The following CAPZB variants were observed in gnomAD, a reference collection of about 807,000 sequenced individuals.
CAPZB encodes the protein capping actin protein of muscle Z-line subunit beta, also known as F-actin-capping protein subunit beta.
CAPZB carries 2 observed loss-of-function variants against 38.1 expected under a neutral mutation model. The observed-to-expected ratio is 0.05, with a 90% CI of 0.02 to 0.17. CAPZB has a LOEUF of 0.17. Among genes scored for constraint, CAPZB ranks in the 10% least tolerant of loss-of-function variants. CAPZB has a pLI of 1.00. For synonymous variants in CAPZB, 107 were observed against 127.4 expected, an observed-to-expected ratio of 0.84 and a Z score of 1.08; for missense variants, 161 against 334.2, an observed-to-expected ratio of 0.48 and a Z score of 4.04.
At chr1:19,397,992 A>G (rs1337748481) in intron 2 of CAPZB, among the ~76,000 whole-genome samples, 2 of 152,154 alleles carry the variant, frequency 1.3e-5, no homozygotes, top group African/African-American at 4.8e-5. Context: ...GCACGTCGAC[A>G]CTGGTGGGGA....
intron 1 of CAPZB, among the ~76,000 whole-genome samples, chr1:19,479,884 C>T (rs537688579): frequency 2.0e-5 from 3 of 152,168 alleles, no homozygotes; most frequent in Non-Finnish European, 2.9e-5. Context: ...TGAGGCACCC[C>T]ATGGGCTCGC....
intron 6 of CAPZB, among the ~76,000 whole-genome samples, chr1:19,353,440 G>A (rs2254648): frequency 1.3e-5 from 2 of 151,412 alleles, no homozygotes; most frequent in Non-Finnish European, 2.9e-5. Flanking sequence ...ACCACGCCAC[G>A]CCAGAATGCC....
intron 4 of CAPZB, among the ~76,000 whole-genome samples, chr1:19,369,166 T>C (rs1046521381): frequency 3.3e-5 from 5 of 152,204 alleles, no homozygotes; most frequent in African/African-American, 1.2e-4. Flanking sequence ...AGACTGCACA[T>C]GCCAAGCAAC....
At chr1:19,393,851 G>A (rs2094251604) in intron 2 of CAPZB, among the ~76,000 whole-genome samples, 1 of 152,228 alleles carries the variant, frequency 6.6e-6, no homozygotes, top group Non-Finnish European at 1.5e-5. Context: ...GGGGACTCCT[G>A]GCGTGTGGGC....
chr1:19,347,875 ACGCCTTTG>A (rs2093970424), intron 6 of CAPZB, among the ~76,000 whole-genome samples: 1 of 152,196 alleles, frequency 6.6e-6, no homozygotes, highest in African/African-American at 2.4e-5. Flanking sequence ...TTAGATTCCG[ACGCCTTTG>A]CTCCTCCTAC....
At chr1:19,453,022 C>G (rs1038516790) in intron 1 of CAPZB, among the ~76,000 whole-genome samples, 1 of 152,034 alleles carries the variant, frequency 6.6e-6, no homozygotes, top group Non-Finnish European at 1.5e-5. Flanking sequence ...CCAGGCTGGT[C>G]TCGAACTCCT....
intron 1 of CAPZB, among the ~76,000 whole-genome samples, chr1:19,430,635 T>G (rs1421537331): frequency 1.3e-5 from 2 of 152,082 alleles, no homozygotes; most frequent in African/African-American, 4.8e-5. Flanking sequence ...CTCTTCTATT[T>G]CCCCTTTAAG....
chr1:19,371,724 A>C lies in CAPZB; in HGVS notation c.329+6816T>G, dbSNP rs76093059. Reference sequence around the variant, plus strand: ...CACTTCTGCACTCTTTCCCTGGAAAATCTCCCCCTACCGCCTGCAGTTCCT... The same window carrying C: ...CACTTCTGCACTCTTTCCCTGGAAACTCTCCCCCTACCGCCTGCAGTTCCT... On this transcript the variant is annotated intron_variant, in intron 4 of 8. Coordinates refer to ENST00000264202, the MANE Select transcript of CAPZB (RefSeq NM_004930.5). Among the ~76,000 whole-genome samples, 1,498 of 152,150 alleles carry C rather than the reference A, an allele frequency of 9.8e-3. 63 individuals carry two copies. In the East Asian group the frequency reaches 0.14, roughly 14 times the overall value.
intron 2 of CAPZB, among the ~76,000 whole-genome samples, chr1:19,388,411 A>T (rs2094214921): frequency 6.6e-6 from 1 of 151,958 alleles, no homozygotes; most frequent in East Asian, 1.9e-4. Context: ...AAGAGGGAGG[A>T]AAGGAGGAGT....
At chr1:19,384,272 C>T (rs1036410510) in intron 3 of CAPZB, among the ~76,000 whole-genome samples, 1 of 152,174 alleles carries the variant, frequency 6.6e-6, no homozygotes, top group Non-Finnish European at 1.5e-5. Context: ...GCCTTCTCCA[C>T]CTCTGGCCTT....
Position 19,454,592 on chromosome 1 carries a change from C to A in CAPZB, c.3+30844G>T, listed in dbSNP as rs147277087. Among the ~76,000 whole-genome samples, 313 of 152,218 alleles carry A rather than the reference C, an allele frequency of 2.1e-3. 3 individuals carry two copies. The South Asian group carries it at 0.024, about 12-fold the overall frequency. On this transcript the variant is annotated intron_variant, in intron 1 of 8. Transcript: ENST00000264202. ...TCATCCCAAATGACAATTGTGGAAA[C>A]CGAGGCTCAGTGACCTGAGGGACTT...
At chr1:19,447,310 A>C in intron 1 of CAPZB, among the ~76,000 whole-genome samples, 1 of 105,032 alleles carries the variant, frequency 9.5e-6, no homozygotes, top group Non-Finnish European at 1.7e-5. Flanking sequence ...ATGGAGTCTC[A>C]CTCTATTCAA....
intron 8 of CAPZB, among the ~76,000 whole-genome samples, chr1:19,343,675 G>T (rs1016472262): frequency 6.6e-6 from 1 of 152,230 alleles, no homozygotes; most frequent in South Asian, 2.1e-4. Flanking sequence ...GCTGGGCTCT[G>T]GCCTCATGTC....
intron 1 of CAPZB, among the ~76,000 whole-genome samples, chr1:19,447,653 GCA>G (rs777624388): frequency 6.6e-6 from 1 of 152,172 alleles, no homozygotes. Context: ...ATGGTGAGTT[GCA>G]CAGATACACC....
At chr1:19,450,144 C>CAAAAAAAAAAAA (rs71008167) in intron 1 of CAPZB, among the ~76,000 whole-genome samples, 6 of 35,424 alleles carry the variant, frequency 1.7e-4, no homozygotes, top group Non-Finnish European at 3.8e-4. Flanking sequence ...ACCCTGTCTC[C>CAAAAAAAAAAAA]AAAAAAAAAA....
At chr1:19,410,980 T>C (rs1041440053) in intron 2 of CAPZB, among the ~76,000 whole-genome samples, 1 of 152,154 alleles carries the variant, frequency 6.6e-6, no homozygotes, top group Admixed American at 6.5e-5. Context: ...GATAAGGTCC[T>C]GGATGAAGCG....
chr1:19,458,114 A>C lies in CAPZB; in HGVS notation c.3+27322T>G, dbSNP rs987210338. ...AAGGAGTTGCCAAAAAAAAAAAAAAAAACACTAAACTGGTGCAAGTGACTT... is the reference window on the plus strand; with the variant it reads ...AAGGAGTTGCCAAAAAAAAAAAAAACAACACTAAACTGGTGCAAGTGACTT... On this transcript the variant is annotated intron_variant, in intron 1 of 8. Transcript: ENST00000264202. Among the ~76,000 whole-genome samples, 8 of 151,796 alleles carry C rather than the reference A, an allele frequency of 5.3e-5. No individual in the cohort carries two copies. The East Asian group carries it at 5.8e-4, about 11-fold the overall frequency.
At chr1:19,365,365 T>C (rs1324596834) in intron 4 of CAPZB, among the ~76,000 whole-genome samples, 1 of 152,176 alleles carries the variant, frequency 6.6e-6, no homozygotes, top group Non-Finnish European at 1.5e-5. Flanking sequence ...TGCACAGGAA[T>C]ATACGTGAAA....
At chr1:19,367,211 GT>G in intron 4 of CAPZB, among the ~76,000 whole-genome samples, 1 of 152,314 alleles carries the variant, frequency 6.6e-6, no homozygotes, top group South Asian at 2.1e-4. Context: ...CCTTACACTG[GT>G]TATACCAGCC....
Sources: gnomAD v4.1 joint callset for allele counts (sites outside exome capture counted in the v4.1 genomes callset) on GRCh38, gnomAD v4.1.1 for gene constraint, MANE v1.5 for transcripts, NCBI Gene and HGNC (gene_info 2026-07-23, HGNC 2026-07-21) for gene names.